Variants in NAV3 observed in about 807,000 individuals in gnomAD.
NAV3 encodes pore membrane and/or filament interacting like protein 1.
Under a neutral mutation model 244.7 loss-of-function variants are expected in NAV3, and 87 were observed. That is an observed-to-expected ratio of 0.36 (90% CI 0.30 to 0.42). The LOEUF (loss-of-function observed/expected upper bound fraction) is 0.42, where lower values mean the gene tolerates loss of function less well. Among genes scored for constraint, NAV3 ranks in the 20% least tolerant of loss-of-function variants. NAV3 has a pLI of 1.00. For synonymous variants in NAV3, 1,126 were observed against 1,042.2 expected (o/e 1.08, Z -1.55); for missense variants, 2,663 against 2,893.3 (o/e 0.92, Z 1.83).
intron 2 of NAV3, among the ~76,000 whole-genome samples, chr12:77,733,662 A>G (rs1877214163): frequency 6.6e-6 from 1 of 152,000 alleles, no homozygotes; most frequent in Non-Finnish European, 1.5e-5. Flanking sequence ...GGCTAGAAAC[A>G]AAGACCACAG....
chr12:77,615,922 G>A (rs1871127823), intron 2 of NAV3, among the ~76,000 whole-genome samples: 1 of 152,070 alleles, frequency 6.6e-6, no homozygotes, highest in Non-Finnish European at 1.5e-5. Flanking sequence ...ACACTAACTT[G>A]CGGGGCAGAG....
intron 2 of NAV3, among the ~76,000 whole-genome samples, chr12:77,738,651 A>T (rs1281775850): frequency 6.6e-6 from 1 of 152,228 alleles, no homozygotes. Context: ...TTCTATATGG[A>T]AATCATACTT....
chr12:77,863,456 A>C (rs1879551664), intron 1 of NAV3, among the ~76,000 whole-genome samples: 1 of 151,880 alleles, frequency 6.6e-6, no homozygotes, highest in Non-Finnish European at 1.5e-5. Context: ...TGAAGTCTTC[A>C]TAATTATTTC....
intron 7 of NAV3, among the ~76,000 whole-genome samples, chr12:78,003,858 A>G (rs1479829743): frequency 6.6e-6 from 1 of 152,214 alleles, no homozygotes; most frequent in Non-Finnish European, 1.5e-5. Flanking sequence ...AACAGGTGCA[A>G]GTAAGATGCT....
chr12:77,735,762 CTATT>C (rs1281989288), intron 2 of NAV3, among the ~76,000 whole-genome samples: 1 of 152,138 alleles, frequency 6.6e-6, no homozygotes. Context: ...TTGAATCTAT[CTATT>C]GTTATATCTC....
intron 2 of NAV3, among the ~76,000 whole-genome samples, chr12:77,795,293 A>T (rs1871355930): frequency 6.6e-6 from 1 of 152,182 alleles, no homozygotes; most frequent in South Asian, 2.1e-4. Flanking sequence ...ATCCAAAGCA[A>T]AGCCCTAACT....
intron 1 of NAV3, among the ~76,000 whole-genome samples, chr12:77,928,494 C>T (rs955589356): frequency 1.3e-5 from 2 of 152,044 alleles, no homozygotes; most frequent in Admixed American, 1.3e-4. Context: ...CCGACCCCCT[C>T]CCTCCCTTCC....
At chr12:77,671,617 ACAGCCAACTGATCTTT>A (rs375071005) in intron 2 of NAV3, among the ~76,000 whole-genome samples, 1 of 152,140 alleles carries the variant, frequency 6.6e-6, no homozygotes, top group African/African-American at 2.4e-5. Flanking sequence ...CCAAATACTT[ACAGCCAACTGATCTTT>A]GATAAAGCAA....
intron 9 of NAV3, among the ~76,000 whole-genome samples, chr12:78,028,901 C>T (rs1037487033): frequency 2.6e-5 from 4 of 152,000 alleles, no homozygotes; most frequent in Non-Finnish European, 4.4e-5. Context: ...ATCCTTCAAT[C>T]GAAAAAGAAT....
intron 1 of NAV3, among the ~76,000 whole-genome samples, chr12:77,905,132 G>T (rs1008547439): frequency 6.6e-6 from 1 of 151,994 alleles, no homozygotes; most frequent in Non-Finnish European, 1.5e-5. Context: ...ATACAAAAAT[G>T]GTAACAATGT....
chr12:77,649,977 G>A (rs528520728), intron 2 of NAV3, among the ~76,000 whole-genome samples: 3 of 152,286 alleles, frequency 2.0e-5, no homozygotes, highest in Non-Finnish European at 2.9e-5. Context: ...AGTGAGATAT[G>A]TTGTCTCATT....
At chr12:77,872,585 A>G (rs748851854) in intron 1 of NAV3, among the ~76,000 whole-genome samples, 2 of 152,188 alleles carry the variant, frequency 1.3e-5, no homozygotes, top group Non-Finnish European at 2.9e-5. Context: ...TTTAGGACAG[A>G]ACCACTAGTT....
At chr12:78,188,437 C>A in intron 32 of NAV3, 94 bp downstream of exon 32, 5 of 1,220,636 alleles carry the variant, frequency 4.1e-6, no homozygotes, top group Non-Finnish European at 5.8e-6. Context: ...ATCTTCTTTT[C>A]CTCTCCTCAA....
chr12:77,658,908 G>A (rs1006759064), intron 2 of NAV3, among the ~76,000 whole-genome samples: 10 of 152,212 alleles, frequency 6.6e-5, no homozygotes, highest in African/African-American at 2.4e-4. Flanking sequence ...CTATCCATAT[G>A]TAGAAAGCTG....
chr12:78,066,282 T>G (rs1885013125), intron 12 of NAV3, among the ~76,000 whole-genome samples: 1 of 152,074 alleles, frequency 6.6e-6, no homozygotes, highest in Non-Finnish European at 1.5e-5. Context: ...AAGAGGTTGA[T>G]TAGAAGGTTT....
At chr12:77,745,904 A>T (rs1196428457) in intron 2 of NAV3, among the ~76,000 whole-genome samples, 1 of 151,536 alleles carries the variant, frequency 6.6e-6, no homozygotes, top group African/African-American at 2.4e-5. Flanking sequence ...TATCTGGGTA[A>T]ATGGCACAGG....
intron 2 of NAV3, among the ~76,000 whole-genome samples, chr12:77,662,157 TGA>T (rs1873480503): frequency 6.6e-6 from 1 of 151,972 alleles, no homozygotes; most frequent in East Asian, 1.9e-4. Flanking sequence ...TTAACGATAT[TGA>T]GTCTTGAATC....
intron 1 of NAV3, among the ~76,000 whole-genome samples, chr12:77,838,354 G>A (rs111242194): frequency 0.017 from 2,564 of 152,240 alleles, 66 homozygotes; most frequent in African/African-American, 0.058. Flanking sequence ...GTGGCCATCA[G>A]TATTATTGTC....
At chr12:77,793,169 T>C (rs1349120382) in intron 2 of NAV3, among the ~76,000 whole-genome samples, 2 of 152,134 alleles carry the variant, frequency 1.3e-5, no homozygotes, top group African/African-American at 4.8e-5. Context: ...ATATTATAGC[T>C]ATTAACCTTA....
Sources: gnomAD v4.1 joint callset for allele counts (sites outside exome capture counted in the v4.1 genomes callset) on GRCh38, gnomAD v4.1.1 for gene constraint, MANE v1.5 for transcripts, NCBI Gene and HGNC (gene_info 2026-07-23, HGNC 2026-07-21) for gene names.